Variants in ELK3 observed in about 807,000 individuals in gnomAD.
ELK3 encodes ETS transcription factor ELK3, also known as ETS domain-containing protein Elk-3.
In ELK3, 10 loss-of-function variants were observed where a neutral mutation model predicts 28.9. The ratio of observed to expected loss-of-function variants is 0.35; its 90% CI spans 0.21 to 0.59. The LOEUF (loss-of-function observed/expected upper bound fraction) is 0.59. Ranked by LOEUF, ELK3 falls within the 20% of genes least tolerant of loss-of-function variation. ELK3 has a pLI of 0.82. For missense variants in ELK3, 463 were observed against 517.3 expected, an observed-to-expected ratio of 0.90 and a Z score of 1.02; for synonymous variants, 272 against 243.5, an observed-to-expected ratio of 1.12 and a Z score of -1.09.
intron 1 of ELK3, among the ~76,000 whole-genome samples, chr12:96,217,780 A>G (rs1281668126): frequency 6.6e-6 from 1 of 151,916 alleles, no homozygotes; most frequent in Non-Finnish European, 1.5e-5. Flanking sequence ...CACTAAAAAT[A>G]CAAAAAAATT....
chr12:96,230,755 G>A (rs1183610431), intron 2 of ELK3, among the ~76,000 whole-genome samples: 1 of 152,202 alleles, frequency 6.6e-6, no homozygotes, highest in East Asian at 1.9e-4. Context: ...GGGATCGGAG[G>A]CTCTGATCAC....
chr12:96,266,024 C>A (rs1343382671), intron 4 of ELK3, among the ~76,000 whole-genome samples: 8 of 152,116 alleles, frequency 5.3e-5, no homozygotes, highest in African/African-American at 1.7e-4. Context: ...GCTGTGTGAC[C>A]TTTAGCCAAC....
At chr12:96,194,944 C>CGGGCCCGGGGCTGCGGGGACCCT (rs1951452184) in intron 1 of ELK3, among the ~76,000 whole-genome samples, 2 of 130,514 alleles carry the variant, frequency 1.5e-5, no homozygotes, top group Non-Finnish European at 3.2e-5. Flanking sequence ...GAGCTCGCGC[C>CGGGCCCGGGGCTGCGGGGACCCT]GGGCCCGGGG....
intron 3 of ELK3, among the ~76,000 whole-genome samples, chr12:96,252,019 A>G (rs1230151947): frequency 1.3e-5 from 2 of 152,244 alleles, no homozygotes; most frequent in Non-Finnish European, 1.5e-5. Context: ...GGAGAAGAGA[A>G]GTCCATGCCT....
intron 2 of ELK3, among the ~76,000 whole-genome samples, chr12:96,246,544 C>T (rs1358273150): frequency 6.6e-6 from 1 of 152,020 alleles, no homozygotes; most frequent in East Asian, 1.9e-4. Context: ...ACCTGTAGTC[C>T]CAGCCACTCA....
At chr12:96,238,467 C>T (rs943838398) in intron 2 of ELK3, among the ~76,000 whole-genome samples, 2 of 152,224 alleles carry the variant, frequency 1.3e-5, no homozygotes, top group African/African-American at 4.8e-5. Flanking sequence ...GGCCTGTGCC[C>T]TTGTGTGAGC....
In ELK3 at chr12:96,230,709, C is replaced by T. The variant is rs559947384; in HGVS notation, c.207+6936C>T. 7.9e-4 allele frequency among the ~76,000 whole-genome samples: 121 copies of T among 152,298 alleles called. 1 individual carries two copies. In the Middle Eastern group the frequency reaches 0.01, roughly 13 times the overall value. On this transcript the variant is annotated intron_variant, in intron 2 of 4. Transcript: ENST00000228741. ...AGATGACTTAAATGGGAAGAAAAGG[C>T]GACCCTGGGGGCGCCAATCCCGGAT...
chr12:96,257,851 C>T (rs1168396307), intron 3 of ELK3, among the ~76,000 whole-genome samples: 1 of 152,186 alleles, frequency 6.6e-6, no homozygotes, highest in South Asian at 2.1e-4. Flanking sequence ...GAGAATTTCT[C>T]CCTCACATAG....
At chr12:96,263,984 ATTTTTAT>A (rs1952011941) in intron 4 of ELK3, among the ~76,000 whole-genome samples, 1 of 152,090 alleles carries the variant, frequency 6.6e-6, no homozygotes, top group African/African-American at 2.4e-5. Flanking sequence ...GGAAATTTTT[ATTTTTAT>A]TTTTTGAGAT....
At chr12:96,234,255 G>T (rs1951763942) in intron 2 of ELK3, among the ~76,000 whole-genome samples, 1 of 152,216 alleles carries the variant, frequency 6.6e-6, no homozygotes, top group Non-Finnish European at 1.5e-5. Flanking sequence ...ATGAGCCAGA[G>T]GCCCGGGAGC....
At chr12:96,261,800 G>GT (rs1384193772) in intron 4 of ELK3, among the ~76,000 whole-genome samples, 3 of 152,144 alleles carry the variant, frequency 2.0e-5, no homozygotes, top group Non-Finnish European at 4.4e-5. Context: ...GGAAATGATG[G>GT]TTCATGTCTA....
At chr12:96,254,146 C>G (rs1004360153) in intron 3 of ELK3, among the ~76,000 whole-genome samples, 2 of 152,112 alleles carry the variant, frequency 1.3e-5, no homozygotes, top group African/African-American at 4.8e-5. Context: ...CCAACATGGC[C>G]AAACCCCATC....
At chr12:96,240,920 G>A (rs1230599075) in intron 2 of ELK3, among the ~76,000 whole-genome samples, 1 of 152,252 alleles carries the variant, frequency 6.6e-6, no homozygotes, top group Non-Finnish European at 1.5e-5. Flanking sequence ...CCAGACCAGA[G>A]TGGGTGGACA....
chr12:96,257,870 C>G (rs55833630), intron 3 of ELK3, among the ~76,000 whole-genome samples: 4,210 of 152,272 alleles, frequency 0.028, 91 homozygotes, highest in Non-Finnish European at 0.042. Flanking sequence ...AGATGAAGTA[C>G]GTTTAGTAAG....
chr12:96,254,922 C>A (rs928179649), intron 3 of ELK3, among the ~76,000 whole-genome samples: 2 of 151,710 alleles, frequency 1.3e-5, no homozygotes, highest in Non-Finnish European at 2.9e-5. Context: ...GGCATAGATA[C>A]GTGAAATAGC....
At chr12:96,213,100 G>A (rs1951588118) in intron 1 of ELK3, among the ~76,000 whole-genome samples, 2 of 152,136 alleles carry the variant, frequency 1.3e-5, no homozygotes, top group Non-Finnish European at 2.9e-5. Flanking sequence ...GTTGTGGAAG[G>A]CTTCATATAA....
chr12:96,227,888 T>C (rs1951715271), intron 2 of ELK3, among the ~76,000 whole-genome samples: 1 of 152,188 alleles, frequency 6.6e-6, no homozygotes, highest in Admixed American at 6.5e-5. Context: ...GGATTCATTG[T>C]GTTCACACGT....
At chr12:96,213,528 A>G (rs376913543) in intron 1 of ELK3, among the ~76,000 whole-genome samples, 1 of 152,038 alleles carries the variant, frequency 6.6e-6, no homozygotes, top group African/African-American at 2.4e-5. Flanking sequence ...GTTGTAAGAC[A>G]TTTTCTCAGC....
chr12:96,235,301 C>T (rs994395692), intron 2 of ELK3, among the ~76,000 whole-genome samples: 2 of 151,470 alleles, frequency 1.3e-5, no homozygotes, highest in South Asian at 2.1e-4. Context: ...CTCTCTGCCT[C>T]CTCCAGCTGG....
Sources: allele counts gnomAD v4.1 joint callset (sites outside exome capture counted in the v4.1 genomes callset), GRCh38; gene constraint gnomAD v4.1.1; transcripts MANE v1.5; gene names NCBI Gene and HGNC (gene_info 2026-07-23, HGNC 2026-07-21).